Variants in SHE observed in about 807,000 individuals in gnomAD.
SHE encodes the protein SH2 domain-containing adapter protein E.
Under a neutral mutation model 49.8 loss-of-function variants are expected in SHE, and 11 were observed. That is an observed-to-expected ratio of 0.22 (90% CI 0.14 to 0.37). The LOEUF (loss-of-function observed/expected upper bound fraction) is 0.37. Among genes scored for constraint, SHE ranks in the 10% least tolerant of loss-of-function variants. SHE has a pLI of 1.00. For missense variants in SHE, 624 were observed against 655.5 expected (o/e 0.95, Z 0.52); for synonymous variants, 310 against 278.1 (o/e 1.11, Z -1.14).
chr1:154,472,002 A>G (rs2149285838), intron 1 of SHE, among the ~76,000 whole-genome samples: 1 of 152,200 alleles, frequency 6.6e-6, no homozygotes, highest in South Asian at 2.1e-4. Context: ...GTGAAACCCC[A>G]TCTCTACTCA....
intron 2 of SHE, among the ~76,000 whole-genome samples, chr1:154,495,731 T>C (rs1692508282): frequency 1.8e-5 from 1 of 56,068 alleles, no homozygotes; most frequent in South Asian, 6.6e-4. Context: ...GCCTAGTACA[T>C]AATAAAAAAA....
At chr1:154,470,072 GC>G in exon 2 of SHE, 1 of 335,324 alleles carries the variant, frequency 3.0e-6, no homozygotes, top group Non-Finnish European at 5.9e-6. Flanking sequence ...CCGCCTCTGG[GC>G]CCCCACCTGG....
chr1:154,479,242 T>C (rs540214166), downstream of SHE, among the ~76,000 whole-genome samples: 1 of 152,220 alleles, frequency 6.6e-6, no homozygotes, highest in African/African-American at 2.4e-5. Context: ...GGCCAGGAAA[T>C]GGCAGTAAAA....
intron 2 of SHE, among the ~76,000 whole-genome samples, chr1:154,498,874 A>C (rs1267925712): frequency 6.6e-6 from 1 of 152,242 alleles, no homozygotes; most frequent in Non-Finnish European, 1.5e-5. Context: ...CATCTTGCAT[A>C]GAACTAGAAA....
At chr1:154,498,662 C>T (rs1311878211) in intron 2 of SHE, among the ~76,000 whole-genome samples, 1 of 152,106 alleles carries the variant, frequency 6.6e-6, no homozygotes, top group East Asian at 1.9e-4. Flanking sequence ...TCCCAAAGTG[C>T]TGGGATTATA....
chr1:154,470,897 C>T (rs1368959433), intron 1 of SHE, among the ~76,000 whole-genome samples: 2 of 151,884 alleles, frequency 1.3e-5, no homozygotes, highest in African/African-American at 4.8e-5. Flanking sequence ...GTGATTCCAG[C>T]TACTAGGGAG....
intron 3 of SHE, among the ~76,000 whole-genome samples, chr1:154,487,775 A>G (rs1230551597): frequency 2.0e-5 from 3 of 150,658 alleles, no homozygotes; most frequent in African/African-American, 7.3e-5. Context: ...GCCTGAGCTC[A>G]GGAGGCTGAG....
chr1:154,491,684 G>A (rs4845634), intron 2 of SHE, among the ~76,000 whole-genome samples: 19,464 of 152,178 alleles, frequency 0.13, 1,443 homozygotes, highest in South Asian at 0.18. Context: ...AATAATGACT[G>A]GATGGATGGA....
intron 2 of SHE, among the ~76,000 whole-genome samples, chr1:154,491,078 TAC>T (rs767656558): frequency 1.2e-4 from 19 of 152,136 alleles, no homozygotes; most frequent in Non-Finnish European, 2.4e-4. Context: ...GAGCTGGTGA[TAC>T]AGAGTCTATA....
Position 154,483,029 on chromosome 1 carries a change from T to TA in SHE, c.*1119dup, listed in dbSNP as rs1692063396. ...TCGAAGTTCTATGTAATTAATTCAG[T>TA]AAAAAAACAGTTGTGGAGCTTTGCA... On this transcript the variant is annotated 3_prime_UTR_variant, in exon 6 of 6. Transcript: ENST00000304760. 3.0e-6 allele frequency: 3 copies of TA among 984,756 alleles called. No homozygotes were observed. The highest frequency in any genetic ancestry group is 3.6e-6 in the Non-Finnish European group (3 of 829,352). The allele number at this position is 984,756 out of a possible 1,614,324, so 61.0% of individuals were successfully genotyped here. A position where few individuals can be genotyped will look rare whatever the true frequency, so the allele number is the denominator to read the frequency against.
intron 1 of SHE, among the ~76,000 whole-genome samples, chr1:154,500,197 A>C (rs1366882554): frequency 6.6e-6 from 1 of 152,246 alleles, no homozygotes; most frequent in Non-Finnish European, 1.5e-5. Flanking sequence ...AGGGACTGTG[A>C]CTGCGACTGC....
intron 2 of SHE, among the ~76,000 whole-genome samples, chr1:154,490,334 CAATCACTCT>C (rs1308604619): frequency 6.6e-6 from 1 of 152,244 alleles, no homozygotes; most frequent in Non-Finnish European, 1.5e-5. Context: ...GTAACTTTCA[CAATCACTCT>C]AAGATTATGG....
chr1:154,479,123 T>C (rs1691955869), downstream of SHE, among the ~76,000 whole-genome samples: 1 of 152,146 alleles, frequency 6.6e-6, no homozygotes, highest in Admixed American at 6.6e-5. Context: ...ACAGATGGCA[T>C]GGGACATTTG....
intron 2 of SHE, among the ~76,000 whole-genome samples, chr1:154,498,130 T>A (rs6689965): frequency 0.5 from 76,389 of 151,492 alleles, 22,331 homozygotes; most frequent in East Asian, 0.76. Flanking sequence ...TCCACTCTTG[T>A]TGCCCAGGCT....
chr1:154,474,606 G>A (rs1481252999), downstream of SHE, among the ~76,000 whole-genome samples: 1 of 152,142 alleles, frequency 6.6e-6, no homozygotes, highest in Non-Finnish European at 1.5e-5. Context: ...CCAGGTTCAA[G>A]CGATTCTCCT....
intron 1 of SHE, among the ~76,000 whole-genome samples, chr1:154,471,682 T>G (rs1268293636): frequency 2.6e-4 from 3 of 11,650 alleles, no homozygotes; most frequent in Non-Finnish European, 9.6e-4. Context: ...TTTTCAGTAC[T>G]CTCTCTCTCT....
chr1:154,491,575 AT>A (rs1370594792), intron 2 of SHE, among the ~76,000 whole-genome samples: 1 of 152,158 alleles, frequency 6.6e-6, no homozygotes, highest in Non-Finnish European at 1.5e-5. Context: ...CACTGCATCC[AT>A]TTATATGTTG....
chr1:154,479,613 A>G lies in SHE; in HGVS notation c.*4536T>C. On this transcript the variant is annotated 3_prime_UTR_variant, in exon 6 of 6. Coordinates refer to ENST00000304760, the MANE Select transcript of SHE (RefSeq NM_001010846.3). ...TATTTCTGATTTAAATTACTAAGGC[A>G]CTATAGATAGACACCTATATTACAT... 1.0e-6 allele frequency: 1 copy of G among 968,666 alleles called. No individual in the cohort carries two copies. Among genetic ancestry groups the G allele is most frequent in the East Asian group, 1.1e-4 (1 of 8,760 alleles). 60.0% of individuals were successfully genotyped at this position (968,666 alleles called of 1,614,324 possible).
intron 3 of SHE, among the ~76,000 whole-genome samples, chr1:154,488,650 G>A (rs1217303772): frequency 1.3e-5 from 2 of 152,124 alleles, no homozygotes; most frequent in African/African-American, 2.4e-5. Flanking sequence ...GCAGTGGCAC[G>A]ATCTTGACTC....
Sources: gnomAD v4.1 joint callset for allele counts (sites outside exome capture counted in the v4.1 genomes callset) on GRCh38, gnomAD v4.1.1 for gene constraint, MANE v1.5 for transcripts, NCBI Gene and HGNC (gene_info 2026-07-23, HGNC 2026-07-21) for gene names.